REDIC1: variants seen among roughly 807,000 people sequenced by gnomAD.
The protein encoded by REDIC1 is HEI10 Interacting Protein 1.
the REDIC1 span, among the ~76,000 whole-genome samples, chr12:39,897,532 G>A: frequency 6.4e-4 from 98 of 152,272 alleles, no homozygotes; most frequent in African/African-American, 1.9e-3. Flanking sequence ...CTGTGTAATC[G>A]ATCCCTGTGT....
At chr12:39,743,378 C>T in the REDIC1 span, among the ~76,000 whole-genome samples, 1 of 152,170 alleles carries the variant, frequency 6.6e-6, no homozygotes, top group Admixed American at 6.5e-5. Context: ...CCCCTCCCCT[C>T]ATACCTTACC....
chr12:39,750,594 G>A, the REDIC1 span, among the ~76,000 whole-genome samples: 7 of 152,128 alleles, frequency 4.6e-5, no homozygotes, highest in South Asian at 2.1e-4. Context: ...AAAAGAGCCC[G>A]CATTGCCAAG....
At chr12:39,747,973 T>A in the REDIC1 span, among the ~76,000 whole-genome samples, 1 of 152,148 alleles carries the variant, frequency 6.6e-6, no homozygotes, top group African/African-American at 2.4e-5. Flanking sequence ...CTGCAAAATC[T>A]TGCCAAATTG....
the REDIC1 span, among the ~76,000 whole-genome samples, chr12:39,890,444 A>G: frequency 6.6e-6 from 1 of 152,238 alleles, no homozygotes; most frequent in Non-Finnish European, 1.5e-5. Context: ...ATAGAATTAA[A>G]TGTTGCTCAT....
the REDIC1 span, among the ~76,000 whole-genome samples, chr12:39,781,962 G>A: frequency 6.6e-6 from 1 of 152,148 alleles, no homozygotes; most frequent in African/African-American, 2.4e-5. Context: ...GGATAATCTT[G>A]AGTTATGGTT....
At chr12:39,716,665 T>C in the REDIC1 span, 3 of 890,424 alleles carry the variant, frequency 3.4e-6, no homozygotes, top group African/African-American at 5.4e-5. Flanking sequence ...TAGCTAAATT[T>C]GTTTTACCAG....
At chr12:39,721,275 T>C in the REDIC1 span, 10 of 1,574,286 alleles carry the variant, frequency 6.4e-6, no homozygotes, top group Non-Finnish European at 8.7e-6. Context: ...CTACCTAGGA[T>C]GTAGAATTTC....
chr12:39,721,864 A>G, the REDIC1 span: 2 of 152,064 alleles, frequency 1.3e-5, no homozygotes, highest in Non-Finnish European at 2.9e-5. Flanking sequence ...AGATGTTTTA[A>G]TGTTTTTATA....
the REDIC1 span, among the ~76,000 whole-genome samples, chr12:39,728,397 A>G: frequency 2.6e-5 from 4 of 152,066 alleles, no homozygotes; most frequent in African/African-American, 9.7e-5. Context: ...ATATATTGAG[A>G]TAATCATGTG....
chr12:39,900,527 A>C, the REDIC1 span, among the ~76,000 whole-genome samples: 1 of 152,124 alleles, frequency 6.6e-6, no homozygotes, highest in South Asian at 2.1e-4. Flanking sequence ...AATCACAAGC[A>C]TTCTTATACA....
the REDIC1 span, among the ~76,000 whole-genome samples, chr12:39,823,817 A>G: frequency 6.6e-5 from 10 of 152,200 alleles, no homozygotes; most frequent in Non-Finnish European, 1.3e-4. Context: ...GCAGTGATAT[A>G]CTGAAGCACA....
chr12:39,787,303 T>C, the REDIC1 span, among the ~76,000 whole-genome samples: 6 of 152,180 alleles, frequency 3.9e-5, no homozygotes, highest in Non-Finnish European at 7.4e-5. Context: ...TAGCATGAAA[T>C]GAAATTAGTA....
chr12:39,895,711 C>T, the REDIC1 span, among the ~76,000 whole-genome samples: 7 of 141,406 alleles, frequency 5.0e-5, 1 homozygote, highest in African/African-American at 1.9e-4. Flanking sequence ...TATACGTACA[C>T]ACATATGTAT....
At chr12:39,830,263 G>C in the REDIC1 span, 1 of 1,601,910 alleles carries the variant, frequency 6.2e-7, no homozygotes. Flanking sequence ...CATGTTGGCA[G>C]AGACAACTGG....
the REDIC1 span, among the ~76,000 whole-genome samples, chr12:39,770,693 T>A: frequency 6.6e-6 from 1 of 152,218 alleles, no homozygotes; most frequent in African/African-American, 2.4e-5. Flanking sequence ...ATGCATAGCA[T>A]AAGTATTACT....
At chr12:39,786,898 A>G in the REDIC1 span, among the ~76,000 whole-genome samples, 149,271 of 152,350 alleles carry the variant, frequency 0.98, 73,138 homozygotes, top group East Asian at 1. Flanking sequence ...TTGTCCACTT[A>G]CCTTTGTTCT....
the REDIC1 span, among the ~76,000 whole-genome samples, chr12:39,653,166 A>G: frequency 6.6e-6 from 1 of 152,110 alleles, no homozygotes; most frequent in East Asian, 1.9e-4. Context: ...TTGACAGTCC[A>G]CAAGCATAAA....
At chr12:39,765,467 C>A in the REDIC1 span, among the ~76,000 whole-genome samples, 2 of 152,126 alleles carry the variant, frequency 1.3e-5, no homozygotes, top group East Asian at 3.9e-4. Context: ...TGAAGTTGAA[C>A]TTCCAGTTCT....
At chr12:39,646,446 A>G in the REDIC1 span, 1 of 1,554,980 alleles carries the variant, frequency 6.4e-7, no homozygotes, top group South Asian at 1.2e-5. Flanking sequence ...CTCTGCCTTG[A>G]TGATACAGAA....
Sources: gnomAD v4.1 joint callset for allele counts (sites outside exome capture counted in the v4.1 genomes callset) on GRCh38, gnomAD v4.1.1 for gene constraint, MANE v1.5 for transcripts, NCBI Gene and HGNC (gene_info 2026-07-23, HGNC 2026-07-21) for gene names.